The following HMGA2 variants were observed in gnomAD, a reference collection of about 807,000 sequenced individuals.
HMGA2 encodes the protein high mobility group AT-hook 2.
HMGA2 carries 8 observed loss-of-function variants against 19.1 expected under a neutral mutation model. That is an observed-to-expected ratio of 0.42 (90% confidence interval 0.25 to 0.76). The LOEUF (loss-of-function observed/expected upper bound fraction) is 0.76, where lower values mean the gene tolerates loss of function less well. Among genes scored for constraint, HMGA2 ranks in the 30% least tolerant of loss-of-function variants. The probability of loss-of-function intolerance (pLI) is 0.28; values close to 1 mark genes in which losing one functional copy is unlikely to be tolerated. For missense variants in HMGA2, 109 were observed against 136.3 expected, an observed-to-expected ratio of 0.80 and a Z score of 1.00; for synonymous variants, 60 against 48.8, an observed-to-expected ratio of 1.23 and a Z score of -0.96.
intron 3 of HMGA2, among the ~76,000 whole-genome samples, chr12:65,847,429 T>C (rs1871277182): frequency 6.6e-6 from 1 of 152,178 alleles, no homozygotes; most frequent in Non-Finnish European, 1.5e-5. Context: ...AATCACCAGG[T>C]CTTATAGCAA....
chr12:65,842,268 A>C, intron 3 of HMGA2: 1 of 566,236 alleles, frequency 1.8e-6, no homozygotes, highest in South Asian at 1.5e-5. Context: ...TATTTCTCAT[A>C]GAGTTGTAAG....
upstream of HMGA2, chr12:65,824,477 G>T (rs1870004535): frequency 4.3e-6 from 1 of 232,034 alleles, no homozygotes; most frequent in Non-Finnish European, 8.5e-6. Flanking sequence ...CTTGGGGCAG[G>T]AACTCAGAAA....
intron 3 of HMGA2, among the ~76,000 whole-genome samples, chr12:65,920,278 C>T (rs1875258049): frequency 6.6e-6 from 1 of 151,974 alleles, no homozygotes; most frequent in Non-Finnish European, 1.5e-5. Flanking sequence ...GAGAGATCTC[C>T]AAACCTGAGT....
At chr12:65,848,856 CCG>C (rs1292736752) in intron 3 of HMGA2, among the ~76,000 whole-genome samples, 1 of 151,960 alleles carries the variant, frequency 6.6e-6, no homozygotes, top group African/African-American at 2.4e-5. Context: ...GAGCGAGACT[CCG>C]TCTCAAAAAA....
chr12:65,956,373 T>C (rs918973907), intron 4 of HMGA2: 1 of 152,116 alleles, frequency 6.6e-6, no homozygotes, highest in Admixed American at 6.5e-5. Context: ...ACCTCTGACA[T>C]CACCAAGGTC....
chr12:65,875,587 C>CTTTTTTTTTT (rs1872953046), intron 3 of HMGA2, among the ~76,000 whole-genome samples: 2 of 34,110 alleles, frequency 5.9e-5, no homozygotes, highest in South Asian at 9.1e-4. Flanking sequence ...CCGTGCCCGG[C>CTTTTTTTTTT]TATTTTTTTT....
chr12:65,827,240 AC>A (rs1870251471), intron 1 of HMGA2, among the ~76,000 whole-genome samples: 1 of 151,874 alleles, frequency 6.6e-6, no homozygotes, highest in Admixed American at 6.6e-5. Context: ...TCTCCACTCC[AC>A]CCCCATAAGA....
rs1876843798 is a variant in HMGA2, at chr12:65,964,327, T to G, written c.*1035T>G. The G allele has an allele frequency of 4.8e-6, 1 of 209,220 alleles. No individual in the cohort carries two copies. The highest frequency in any genetic ancestry group is 9.3e-6 in the Non-Finnish European group (1 of 107,116). The allele number at this position is 209,220 out of a possible 1,614,324, so 13.0% of individuals were successfully genotyped here. A position where few individuals can be genotyped will look rare whatever the true frequency, so the allele number is the denominator to read the frequency against. ...GGGGGGGCAATCTCTCTCTGTGTCT[T>G]TCTCTCTCTCTCTTCCTCTCCCTCT... On this transcript the variant is annotated 3_prime_UTR_variant, in exon 5 of 5. Transcript: ENST00000403681.
intron 3 of HMGA2, among the ~76,000 whole-genome samples, chr12:65,906,815 T>C (rs946908789): frequency 6.6e-6 from 1 of 152,232 alleles, no homozygotes; most frequent in African/African-American, 2.4e-5. Flanking sequence ...ATTCTTTGTT[T>C]AGATTGTACG....
intron 4 of HMGA2, chr12:65,952,178 C>A (rs1876480343): frequency 1.8e-6 from 1 of 559,452 alleles, no homozygotes; most frequent in African/African-American, 1.9e-5. Flanking sequence ...CTCTTCCCTT[C>A]TGTATGTAAA....
intron 3 of HMGA2, among the ~76,000 whole-genome samples, chr12:65,906,006 A>G (rs940356583): frequency 6.6e-6 from 1 of 152,238 alleles, no homozygotes; most frequent in African/African-American, 2.4e-5. Flanking sequence ...TTAGATCAGC[A>G]ATAGTTCACT....
intron 3 of HMGA2, among the ~76,000 whole-genome samples, chr12:65,935,934 T>A (rs1163180761): frequency 6.6e-6 from 1 of 152,162 alleles, no homozygotes; most frequent in Non-Finnish European, 1.5e-5. Flanking sequence ...TCTTGCAGGG[T>A]AGCAGTTAAG....
intron 3 of HMGA2, chr12:65,842,887 G>A (rs1871063702): frequency 4.3e-5 from 54 of 1,256,388 alleles, no homozygotes; most frequent in Non-Finnish European, 5.2e-5. Flanking sequence ...TCAGGCTCAA[G>A]AATACAATGA....
At chr12:65,833,708 A>G (rs1870576120) in intron 2 of HMGA2, among the ~76,000 whole-genome samples, 1 of 152,170 alleles carries the variant, frequency 6.6e-6, no homozygotes, top group Non-Finnish European at 1.5e-5. Context: ...ATATGGGAAT[A>G]GCTCTCCAAA....
intron 3 of HMGA2, among the ~76,000 whole-genome samples, chr12:65,845,887 G>A (rs1871214975): frequency 6.6e-6 from 1 of 152,166 alleles, no homozygotes; most frequent in Admixed American, 6.5e-5. Flanking sequence ...ACTGATTATT[G>A]AGTTTGTGAT....
At chr12:65,938,836 G>T (rs1379557497) in intron 3 of HMGA2, among the ~76,000 whole-genome samples, 2 of 151,912 alleles carry the variant, frequency 1.3e-5, no homozygotes, top group African/African-American at 4.8e-5. Flanking sequence ...GCTGATTTTT[G>T]TACTTTTTTT....
At chr12:65,916,024 G>C (rs1056966585) in intron 3 of HMGA2, among the ~76,000 whole-genome samples, 25 of 152,136 alleles carry the variant, frequency 1.6e-4, no homozygotes, top group African/African-American at 6.0e-4. Context: ...TAGGAGGTGA[G>C]AGTCCAGTCG....
At chr12:65,945,628 C>T (rs539130000) in intron 3 of HMGA2, among the ~76,000 whole-genome samples, 1 of 152,126 alleles carries the variant, frequency 6.6e-6, no homozygotes, top group African/African-American at 2.4e-5. Flanking sequence ...AAAAGCCACT[C>T]CCATCAATGT....
chr12:65,922,988 G>A (rs1875372165), intron 3 of HMGA2, among the ~76,000 whole-genome samples: 1 of 152,090 alleles, frequency 6.6e-6, no homozygotes, highest in Admixed American at 6.5e-5. Context: ...ATGTGGAACT[G>A]TAAGTCCAAC....
Sources: allele counts gnomAD v4.1 joint callset (sites outside exome capture counted in the v4.1 genomes callset), GRCh38; gene constraint gnomAD v4.1.1; transcripts MANE v1.5; gene names NCBI Gene and HGNC (gene_info 2026-07-23, HGNC 2026-07-21).